The following MAP4K4 variants were observed in gnomAD, a reference collection of about 807,000 sequenced individuals.
MAP4K4 encodes HPK/GCK-like kinase HGK.
MAP4K4 carries 38 observed loss-of-function variants against 189.6 expected under a neutral mutation model. The observed-to-expected ratio is 0.20, with a 90% CI of 0.15 to 0.26. MAP4K4 has a LOEUF of 0.26. MAP4K4 is among the 10% of genes least tolerant of loss of function. The pLI, the probability that MAP4K4 is intolerant of heterozygous loss-of-function variation, is 1.00. For synonymous variants in MAP4K4, 610 were observed against 624.3 expected (o/e 0.98, Z 0.34); for missense variants, 1,054 against 1,726.9 (o/e 0.61, Z 6.91).
At chr2:101,819,623 T>C (rs1361421478) in intron 3 of MAP4K4, among the ~76,000 whole-genome samples, 1 of 152,232 alleles carries the variant, frequency 6.6e-6, no homozygotes. Context: ...CAATATATTT[T>C]GTAGTTATTT....
At chr2:101,852,020 T>G (rs1419747484) in intron 12 of MAP4K4, among the ~76,000 whole-genome samples, 2 of 152,078 alleles carry the variant, frequency 1.3e-5, no homozygotes, top group African/African-American at 4.8e-5. Flanking sequence ...CTCATTCAAA[T>G]TTAAGCCTAT....
In MAP4K4 at chr2:101,830,410, A is replaced by T. The variant is rs548445600; in HGVS notation, c.508+816A>T. ...TCTTGTTTCCTTTAGCTGGGTCTGA[A>T]CTCATTCCACTTTCATCTAAGTGTT... On this transcript the variant is annotated intron_variant, in intron 6 of 32. Transcript: ENST00000324219. Among the ~76,000 whole-genome samples the T allele has an allele frequency of 1.3e-3, 192 of 152,176 alleles. 1 individual carries two copies. The highest frequency in any genetic ancestry group is 4.5e-3 in the African/African-American group (188 of 41,526).
intron 3 of MAP4K4, among the ~76,000 whole-genome samples, chr2:101,794,234 A>G (rs2093386945): frequency 1.3e-5 from 2 of 152,202 alleles, no homozygotes; most frequent in African/African-American, 4.8e-5. Context: ...AGAAAAATGT[A>G]TAGGGAGGTC....
At chr2:101,759,456 ATTTCCCTTTCCC>A (rs1271196471) in intron 2 of MAP4K4, among the ~76,000 whole-genome samples, 2 of 122,210 alleles carry the variant, frequency 1.6e-5, no homozygotes, top group Non-Finnish European at 3.4e-5. Flanking sequence ...TCCCTTTGCC[ATTTCCCTTTCCC>A]TTTCCCTCTC....
chr2:101,882,324 C>G (rs955529619), intron 27 of MAP4K4, among the ~76,000 whole-genome samples: 1 of 152,144 alleles, frequency 6.6e-6, no homozygotes, highest in Admixed American at 6.5e-5. Flanking sequence ...TCCAGTTTTT[C>G]TATTGTTATC....
At chr2:101,721,670 C>T (rs754474953) in intron 2 of MAP4K4, among the ~76,000 whole-genome samples, 4 of 152,072 alleles carry the variant, frequency 2.6e-5, no homozygotes, top group East Asian at 1.9e-4. Flanking sequence ...CTCCTGACCT[C>T]GTGATCCGCC....
intron 2 of MAP4K4, among the ~76,000 whole-genome samples, chr2:101,785,729 T>C (rs866941589): frequency 3.9e-3 from 31 of 7,966 alleles, no homozygotes; most frequent in South Asian, 0.011. Context: ...TCTCTCTCTC[T>C]CTCTCTCTCT....
intron 27 of MAP4K4, among the ~76,000 whole-genome samples, chr2:101,878,750 TATG>T (rs1348788888): frequency 2.6e-5 from 4 of 152,216 alleles, no homozygotes; most frequent in African/African-American, 9.6e-5. Context: ...TACAGTCACT[TATG>T]ATATTATAAT....
chr2:101,888,654 C>A, intron 31 of MAP4K4, 142 bp from the exon 32 acceptor site: 1 of 580,156 alleles, frequency 1.7e-6, no homozygotes, highest in Non-Finnish European at 2.6e-6. Flanking sequence ...TCCTTGAAAA[C>A]AAATCCTTAA....
At chr2:101,763,669 GCATT>G (rs1222803063) in intron 2 of MAP4K4, among the ~76,000 whole-genome samples, 2 of 152,164 alleles carry the variant, frequency 1.3e-5, no homozygotes, top group African/African-American at 4.8e-5. Flanking sequence ...GAAGGCCCTG[GCATT>G]CATGGACTCT....
At chr2:101,858,871 G>T in intron 13 of MAP4K4, 125 bp from the exon 14 acceptor site, 1 of 653,516 alleles carries the variant, frequency 1.5e-6, no homozygotes. Flanking sequence ...TTTTCTTCAG[G>T]TATTTACCAC....
intron 3 of MAP4K4, among the ~76,000 whole-genome samples, chr2:101,806,374 CTT>C (rs35242042): frequency 4.9e-4 from 64 of 129,506 alleles, no homozygotes; most frequent in East Asian, 4.0e-3. Flanking sequence ...AGCTGTTTCA[CTT>C]TTTTTTTTTT....
chr2:101,741,272 A>G (rs111851928), intron 2 of MAP4K4, among the ~76,000 whole-genome samples: 37,048 of 148,004 alleles, frequency 0.25, 5,365 homozygotes, highest in Non-Finnish European at 0.31. Flanking sequence ...GGTTCACGCC[A>G]TTCTCCTGCC....
At chr2:101,698,106 G>C in exon 1 of MAP4K4, 1 of 1,299,342 alleles carries the variant, frequency 7.7e-7, no homozygotes, top group Non-Finnish European at 1.0e-6. Flanking sequence ...CCTGCAAAAA[G>C]TCTGGTGGAC....
At chr2:101,780,747 A>G (rs2086906340) in intron 2 of MAP4K4, among the ~76,000 whole-genome samples, 1 of 152,204 alleles carries the variant, frequency 6.6e-6, no homozygotes, top group Non-Finnish European at 1.5e-5. Flanking sequence ...TCAGTTAGTA[A>G]TCTTTTATTT....
chr2:101,858,927 G>A, intron 13 of MAP4K4, 69 bp from the exon 14 acceptor site: 1 of 1,116,094 alleles, frequency 9.0e-7, no homozygotes. Flanking sequence ...GGTTCTTGGT[G>A]CTCCATTCAG....
At chr2:101,888,808 C>T (rs1488411925) in exon 32 of MAP4K4, 6 of 1,608,768 alleles carry the variant, frequency 3.7e-6, no homozygotes, top group Non-Finnish European at 5.1e-6. Flanking sequence ...TATATTCGAT[C>T]CAATCAGACA....
intron 15 of MAP4K4, 130 bp downstream of exon 15, chr2:101,859,994 C>T: frequency 2.0e-6 from 2 of 976,910 alleles, no homozygotes; most frequent in Non-Finnish European, 3.1e-6. Flanking sequence ...CATTTTCTAA[C>T]TAGGAAATTG....
intron 6 of MAP4K4, chr2:101,829,828 A>G (rs1576385216): frequency 7.3e-6 from 3 of 408,940 alleles, no homozygotes; most frequent in Non-Finnish European, 1.4e-5. Context: ...CTGATCTTCA[A>G]ATCAGACCAT....
Sources: gnomAD v4.1 joint callset for allele counts (sites outside exome capture counted in the v4.1 genomes callset) on GRCh38, gnomAD v4.1.1 for gene constraint, MANE v1.5 for transcripts, NCBI Gene and HGNC (gene_info 2026-07-23, HGNC 2026-07-21) for gene names.